The following ANKRD36C variants were observed in gnomAD, a reference collection of about 807,000 sequenced individuals.
ANKRD36C encodes ankyrin repeat domain 36C.
In ANKRD36C, 61 loss-of-function variants were observed where a neutral mutation model predicts 276.4. That is an observed-to-expected ratio of 0.22 (90% CI 0.18 to 0.27). The LOEUF is 0.27. Among genes scored for constraint, ANKRD36C ranks in the 10% least tolerant of loss-of-function variants. ANKRD36C has a pLI of 1.00. For synonymous variants in ANKRD36C, 483 were observed against 680.1 expected, an observed-to-expected ratio of 0.71 and a Z score of 4.51; for missense variants, 1,447 against 2,032.3, an observed-to-expected ratio of 0.71 and a Z score of 5.54.
chr2:95,864,450 G>A (rs1310663156), intron 60 of ANKRD36C, among the ~76,000 whole-genome samples: 2 of 151,554 alleles, frequency 1.3e-5, no homozygotes, highest in South Asian at 2.1e-4. Flanking sequence ...TACAGCTAAC[G>A]TGCATCATAG....
intron 58 of ANKRD36C, among the ~76,000 whole-genome samples, chr2:95,876,815 T>C (rs1375999906): frequency 1.6e-5 from 2 of 127,092 alleles, no homozygotes; most frequent in Non-Finnish European, 3.1e-5. Context: ...ATCTCACCAC[T>C]GCACCTCCAG....
intron 6 of ANKRD36C, among the ~76,000 whole-genome samples, chr2:95,964,001 ATATATATATATATGTGTG>A (rs1345856012): frequency 0.032 from 731 of 23,028 alleles, 28 homozygotes; most frequent in African/African-American, 0.083. Flanking sequence ...ATATATATAT[ATATATATATATATGTGTG>A]TGTGTGTCAT....
intron 46 of ANKRD36C, among the ~76,000 whole-genome samples, chr2:95,890,769 C>A (rs1310493156): frequency 6.6e-6 from 1 of 151,512 alleles, no homozygotes. Flanking sequence ...TCAGAAATCA[C>A]TGCAATATTC....
chr2:95,869,534 A>C (rs2104292015), intron 59 of ANKRD36C, among the ~76,000 whole-genome samples: 1 of 152,374 alleles, frequency 6.6e-6, no homozygotes, highest in Admixed American at 6.5e-5. Context: ...TCTGGCAGCC[A>C]AGATGGCTGA....
intron 10 of ANKRD36C, 64 bp downstream of exon 10, chr2:95,960,409 C>G: frequency 6.5e-7 from 1 of 1,528,220 alleles, no homozygotes; most frequent in Non-Finnish European, 8.8e-7. Context: ...CTGATTTATT[C>G]GGGGAAGGGA....
downstream of ANKRD36C, chr2:95,851,164 A>G (rs1216750446): frequency 1.6e-5 from 25 of 1,562,942 alleles, no homozygotes; most frequent in Non-Finnish European, 2.0e-5. Context: ...TTGGCAACAT[A>G]CCTTCATCTA....
intron 39 of ANKRD36C, 28 bp downstream of exon 41, chr2:95,914,247 G>A: frequency 6.4e-7 from 1 of 1,554,768 alleles, no homozygotes. Flanking sequence ...CATTTACTAG[G>A]TCACAATATA....
rs1620312 is a variant in ANKRD36C, at chr2:95,929,450, G to A, written c.1736-183C>T. Among the ~76,000 whole-genome samples the A allele has an allele frequency of 3.4e-5, 5 of 148,572 alleles. No individual in the cohort carries two copies. In the South Asian group the frequency reaches 1.1e-3, roughly 31 times the overall value. On this transcript the variant is annotated intron_variant, in intron 24 of 66. Coordinates refer to ENST00000456556, the Ensembl canonical transcript of ANKRD36C. ...GAAGGAAATACACTGAAGAAAATAG[G>A]AATACAGGCTTCAAGAAATATACAC...
chr2:95,914,328 T>C lies in ANKRD36C; in HGVS notation c.2450-25A>G, dbSNP rs1379352187. On this transcript the variant is annotated intron_variant, in intron 38 of 66. Coordinates refer to ENST00000456556, the Ensembl canonical transcript of ANKRD36C. Reference sequence around the variant, plus strand: ...ACTGAAAAGTAAAAGGGATTCATAATCACTCATATGTAAAAATGACAAAAT... The same window carrying C: ...ACTGAAAAGTAAAAGGGATTCATAACCACTCATATGTAAAAATGACAAAAT... The C allele has an allele frequency of 3.2e-6, 5 of 1,546,340 alleles. No individual in the cohort carries two copies. The African/African-American group carries it at 6.9e-5, about 21-fold the overall frequency.
chr2:95,948,811 T>C (rs111919290), intron 16 of ANKRD36C, among the ~76,000 whole-genome samples: 1 of 151,332 alleles, frequency 6.6e-6, no homozygotes, highest in Non-Finnish European at 1.5e-5. Flanking sequence ...CTGCTGCCAC[T>C]TCTCCCAACC....
intron 6 of ANKRD36C, among the ~76,000 whole-genome samples, chr2:95,975,441 T>G (rs375274359): frequency 1.3e-5 from 2 of 152,054 alleles, no homozygotes; most frequent in Admixed American, 1.3e-4. Flanking sequence ...TATAGACCAA[T>G]GGAACAGAAC....
intron 22 of ANKRD36C, among the ~76,000 whole-genome samples, chr2:95,936,066 G>A (rs1273754618): frequency 1.3e-5 from 2 of 151,614 alleles, no homozygotes; most frequent in African/African-American, 4.9e-5. Context: ...GTTGTCCACA[G>A]TCATGCACGC....
At chr2:95,986,683 C>T (rs1333219386) in intron 3 of ANKRD36C, 68 bp downstream of exon 3, 1 of 1,355,664 alleles carries the variant, frequency 7.4e-7, no homozygotes, top group Non-Finnish European at 9.9e-7. Context: ...AAAATTGACC[C>T]TTACATGTGT....
At chr2:95,880,677 C>T (rs1474433827) in intron 56 of ANKRD36C, 54 bp from the exon 77 acceptor site, 2 of 1,517,292 alleles carry the variant, frequency 1.3e-6, no homozygotes, top group Non-Finnish European at 1.8e-6. Context: ...GTAAGGCCAA[C>T]CATACATTTG....
chr2:95,865,256 T>C (rs1036701839), intron 60 of ANKRD36C, among the ~76,000 whole-genome samples: 31 of 151,992 alleles, frequency 2.0e-4, no homozygotes, highest in African/African-American at 6.8e-4. Flanking sequence ...AGATTCGCTA[T>C]TGTTAAGATG....
chr2:95,912,476 A>G, intron 40 of ANKRD36C, 41 bp from the exon 43 acceptor site: 1 of 1,604,014 alleles, frequency 6.2e-7, no homozygotes, highest in African/African-American at 1.3e-5. Context: ...ACACGTAAAT[A>G]TGATAAAGTT....
chr2:95,879,602 CA>C (rs1206997391), intron 58 of ANKRD36C, among the ~76,000 whole-genome samples: 2 of 151,900 alleles, frequency 1.3e-5, no homozygotes, highest in African/African-American at 4.8e-5. Flanking sequence ...AAATTAAAAA[CA>C]AAAAAATAAA....
At chr2:95,917,352 A>C (rs1431052837) in intron 36 of ANKRD36C, among the ~76,000 whole-genome samples, 1 of 151,550 alleles carries the variant, frequency 6.6e-6, no homozygotes, top group East Asian at 2.0e-4. Flanking sequence ...TTATATAAAT[A>C]ACTTCTTTTC....
intron 60 of ANKRD36C, among the ~76,000 whole-genome samples, chr2:95,865,156 G>A (rs1213614172): frequency 6.6e-6 from 1 of 151,810 alleles, no homozygotes; most frequent in Non-Finnish European, 1.5e-5. Context: ...GATAAAATAT[G>A]AAAAGACCTA....
Sources: allele counts gnomAD v4.1 joint callset (sites outside exome capture counted in the v4.1 genomes callset), GRCh38; gene constraint gnomAD v4.1.1; transcripts MANE v1.5; gene names NCBI Gene and HGNC (gene_info 2026-07-23, HGNC 2026-07-21).